The following CAST variants were observed in gnomAD, a reference collection of about 807,000 sequenced individuals.
CAST encodes calpastatin.
CAST carries 76 observed loss-of-function variants against 119.6 expected under a neutral mutation model. That is an observed-to-expected ratio of 0.64 (90% CI 0.53 to 0.77). CAST has a LOEUF of 0.77. Ranked by LOEUF, CAST falls within the 30% of genes least tolerant of loss-of-function variation. The pLI is 0.00. For missense variants in CAST, 953 were observed against 946.5 expected, an observed-to-expected ratio of 1.01 and a Z score of -0.09; for synonymous variants, 319 against 331.6, an observed-to-expected ratio of 0.96 and a Z score of 0.41.
At chr5:96,357,282 G>C in the CAST span, among the ~76,000 whole-genome samples, 10 of 152,316 alleles carry the variant, frequency 6.6e-5, no homozygotes, top group Non-Finnish European at 8.8e-5. Context: ...TGCAAACAGA[G>C]ACAATTTGAC....
At chr5:96,103,438 G>C in the CAST span, among the ~76,000 whole-genome samples, 2 of 149,152 alleles carry the variant, frequency 1.3e-5, no homozygotes, top group East Asian at 4.0e-4. Context: ...CTATGAGTGA[G>C]AATATGTGGT....
At chr5:96,662,325 C>CAA, upstream of CAST, 1 of 711,424 alleles carries the variant, frequency 1.4e-6, no homozygotes, top group Non-Finnish European at 2.0e-6. Flanking sequence ...CCTCCGCTCC[C>CAA]TCCCTCCCTC....
chr5:96,198,366 G>A, the CAST span, among the ~76,000 whole-genome samples: 7 of 152,064 alleles, frequency 4.6e-5, no homozygotes, highest in Non-Finnish European at 5.9e-5. Context: ...CTTTGTCAGT[G>A]AATTTCTGAC....
At chr5:96,301,626 C>T in the CAST span, among the ~76,000 whole-genome samples, 14 of 152,102 alleles carry the variant, frequency 9.2e-5, no homozygotes, top group African/African-American at 2.2e-4. Flanking sequence ...AGAAATCAGC[C>T]GAAACAAAGG....
chr5:96,551,018 C>A (rs564599304), intron 1 of CAST, among the ~76,000 whole-genome samples: 1 of 152,224 alleles, frequency 6.6e-6, no homozygotes, highest in Non-Finnish European at 1.5e-5. Flanking sequence ...GGAAAACTTC[C>A]CCAATCTAGC....
rs369392033 is a variant in CAST, at chr5:96,539,660, G to A, written c.60+9780G>A. 6.6e-4 allele frequency among the ~76,000 whole-genome samples: 101 copies of A among 152,164 alleles called. No homozygotes were observed. In the South Asian group the frequency reaches 0.021, roughly 31 times the overall value. On this transcript the variant is annotated intron_variant, in intron 1 of 11. Transcript: ENST00000505143. Reference sequence around the variant, plus strand: ...CCCTGCGTTTCACCTCTTCATCCCTGTCTCCTGCCCTGAACCACTTATATT... The same window carrying A: ...CCCTGCGTTTCACCTCTTCATCCCTATCTCCTGCCCTGAACCACTTATATT...
At chr5:96,420,937 A>G in the CAST span, among the ~76,000 whole-genome samples, 2 of 152,176 alleles carry the variant, frequency 1.3e-5, no homozygotes, top group East Asian at 3.9e-4. Flanking sequence ...TTCCATCCTC[A>G]CTTGTAGCAA....
At chr5:96,231,254 A>G in the CAST span, among the ~76,000 whole-genome samples, 1 of 152,204 alleles carries the variant, frequency 6.6e-6, no homozygotes. Flanking sequence ...TGATGAATAA[A>G]TAGACAAAAA....
chr5:96,463,679 C>T, the CAST span, among the ~76,000 whole-genome samples: 1 of 152,030 alleles, frequency 6.6e-6, no homozygotes. Flanking sequence ...CTTTGTCAGT[C>T]ATATTTGGAT....
At chr5:96,056,002 T>C in the CAST span, among the ~76,000 whole-genome samples, 3 of 152,152 alleles carry the variant, frequency 2.0e-5, no homozygotes, top group African/African-American at 7.2e-5. Context: ...TAAGGTTTTC[T>C]ACCCCCAAAA....
chr5:96,600,610 C>T (rs1430391459), intron 1 of CAST, among the ~76,000 whole-genome samples: 2 of 152,150 alleles, frequency 1.3e-5, no homozygotes, highest in Admixed American at 6.5e-5. Flanking sequence ...CCTAAGAGGT[C>T]CTCCAACTCC....
chr5:96,561,359 A>G (rs1376152395), intron 1 of CAST, among the ~76,000 whole-genome samples: 3 of 131,126 alleles, frequency 2.3e-5, no homozygotes, highest in Non-Finnish European at 5.4e-5. Context: ...GTATAATAAA[A>G]AAAAGAAAAA....
chr5:96,469,472 A>G, the CAST span, among the ~76,000 whole-genome samples: 5 of 152,010 alleles, frequency 3.3e-5, no homozygotes, highest in Admixed American at 3.3e-4. Flanking sequence ...CCTATTGGCT[A>G]GGAATTTTTA....
chr5:96,473,771 G>A, the CAST span, among the ~76,000 whole-genome samples: 10 of 152,280 alleles, frequency 6.6e-5, no homozygotes, highest in East Asian at 7.7e-4. Context: ...CTGACTGGGC[G>A]CATGACTGGT....
At chr5:96,402,722 A>G in the CAST span, among the ~76,000 whole-genome samples, 2 of 151,970 alleles carry the variant, frequency 1.3e-5, no homozygotes, top group East Asian at 1.9e-4. Context: ...CAATGCTTTC[A>G]TTTTTGGCTT....
chr5:96,157,179 T>A, the CAST span, among the ~76,000 whole-genome samples: 1 of 152,190 alleles, frequency 6.6e-6, no homozygotes, highest in Non-Finnish European at 1.5e-5. Context: ...AGCCCTTTGA[T>A]TAATTGAGTT....
chr5:96,200,234 A>G, the CAST span, among the ~76,000 whole-genome samples: 12 of 152,114 alleles, frequency 7.9e-5, no homozygotes, highest in African/African-American at 2.9e-4. Context: ...TTATCCTTAT[A>G]AGGATAGGAT....
At chr5:96,424,778 T>C in the CAST span, among the ~76,000 whole-genome samples, 13 of 151,780 alleles carry the variant, frequency 8.6e-5, no homozygotes, top group Admixed American at 2.6e-4. Flanking sequence ...GACTGACCAA[T>C]GTGACAAAAC....
upstream of CAST, among the ~76,000 whole-genome samples, chr5:96,525,071 AT>A (rs1745576931): frequency 6.6e-6 from 1 of 152,204 alleles, no homozygotes. Context: ...ACACAGTCAC[AT>A]TTTAGGCTGT....
Sources: gnomAD v4.1 joint callset for allele counts (sites outside exome capture counted in the v4.1 genomes callset) on GRCh38, gnomAD v4.1.1 for gene constraint, MANE v1.5 for transcripts, NCBI Gene and HGNC (gene_info 2026-07-23, HGNC 2026-07-21) for gene names.